Variants in CALCR observed in about 807,000 individuals in gnomAD.
The protein encoded by CALCR is calcitonin receptor.
Under a neutral mutation model 59.5 loss-of-function variants are expected in CALCR, and 47 were observed. The observed-to-expected ratio is 0.79, with a 90% CI of 0.63 to 1.01. The LOEUF is 1.01. CALCR is among the 50% of genes least tolerant of loss of function. The pLI, the probability that CALCR is intolerant of heterozygous loss-of-function variation, is 0.00. For synonymous variants in CALCR, 213 were observed against 211.3 expected, an observed-to-expected ratio of 1.01 and a Z score of -0.07; for missense variants, 566 against 597.1, an observed-to-expected ratio of 0.95 and a Z score of 0.54.
intron 4 of CALCR, among the ~76,000 whole-genome samples, chr7:93,478,453 G>C (rs528696182): frequency 4.6e-4 from 70 of 151,690 alleles, no homozygotes; most frequent in African/African-American, 1.6e-3. Flanking sequence ...TGTAATCCTA[G>C]CACTTTGGGA....
chr7:93,548,237 C>T (rs1323145503), intron 2 of CALCR, among the ~76,000 whole-genome samples: 1 of 152,184 alleles, frequency 6.6e-6, no homozygotes, highest in East Asian at 1.9e-4. Flanking sequence ...ACCTCTCATT[C>T]ATCTTGGATA....
chr7:93,481,013 GT>G (rs1156462835), intron 3 of CALCR, among the ~76,000 whole-genome samples: 1 of 151,768 alleles, frequency 6.6e-6, no homozygotes, highest in East Asian at 2.0e-4. Context: ...GTTAAAACTT[GT>G]TTTGTCACTT....
At chr7:93,453,122 C>T (rs548369542) in intron 8 of CALCR, among the ~76,000 whole-genome samples, 1 of 152,106 alleles carries the variant, frequency 6.6e-6, no homozygotes, top group East Asian at 1.9e-4. Context: ...TGCTGTATCA[C>T]ACAGAAATGA....
At chr7:93,525,143 A>G (rs1175793140) in intron 2 of CALCR, among the ~76,000 whole-genome samples, 1 of 144,062 alleles carries the variant, frequency 6.9e-6, no homozygotes, top group African/African-American at 2.4e-5. Context: ...GAAACAAAAA[A>G]TGATAATAGT....
intron 2 of CALCR, among the ~76,000 whole-genome samples, chr7:93,540,949 C>G (rs546878137): frequency 6.6e-6 from 1 of 151,714 alleles, no homozygotes; most frequent in African/African-American, 2.4e-5. Flanking sequence ...ATATTAATAG[C>G]AAAAAATTAA....
intron 2 of CALCR, among the ~76,000 whole-genome samples, chr7:93,495,180 A>T (rs571857536): frequency 2.0e-5 from 3 of 151,414 alleles, no homozygotes; most frequent in Non-Finnish European, 4.4e-5. Context: ...AGAACTTTCA[A>T]ATTGGAATGG....
chr7:93,474,858 G>A (rs1362104350), intron 5 of CALCR, among the ~76,000 whole-genome samples: 1 of 151,724 alleles, frequency 6.6e-6, no homozygotes. Context: ...TATAGATAAT[G>A]CTTTTATAGA....
At chr7:93,550,488 CAAAAAAAAAAA>C (rs11287815) in intron 2 of CALCR, among the ~76,000 whole-genome samples, 30 of 26,582 alleles carry the variant, frequency 1.1e-3, no homozygotes, top group African/African-American at 4.9e-3. Flanking sequence ...AACTCCGTCT[CAAAAAAAAAAA>C]AAAAAAAAAA....
chr7:93,492,661 T>C (rs75529884), intron 2 of CALCR, among the ~76,000 whole-genome samples: 4,115 of 151,446 alleles, frequency 0.027, 208 homozygotes, highest in African/African-American at 0.095. Context: ...GTATAAGAAG[T>C]TGAGCATCTG....
intron 3 of CALCR, among the ~76,000 whole-genome samples, chr7:93,480,109 A>G (rs1216061608): frequency 1.3e-5 from 2 of 151,908 alleles, no homozygotes; most frequent in Non-Finnish European, 2.9e-5. Flanking sequence ...CATGTTCACT[A>G]ATGAAAAATC....
At chr7:93,436,556 T>C (rs1799783084) in intron 11 of CALCR, among the ~76,000 whole-genome samples, 1 of 152,218 alleles carries the variant, frequency 6.6e-6, no homozygotes, top group African/African-American at 2.4e-5. Context: ...TAGTCTTTAT[T>C]TGGAACATTG....
chr7:93,428,566 C>T (rs1186072921), intron 13 of CALCR, among the ~76,000 whole-genome samples: 1 of 152,028 alleles, frequency 6.6e-6, no homozygotes, highest in Non-Finnish European at 1.5e-5. Context: ...TTTGGGAGGC[C>T]GAGGCGGGCA....
At chr7:93,472,560 T>G (rs1800576970) in intron 5 of CALCR, 73 bp from the exon 6 acceptor site, 1 of 863,700 alleles carries the variant, frequency 1.2e-6, no homozygotes, top group African/African-American at 1.7e-5. Flanking sequence ...AAATTAAAGC[T>G]TAAAAGCCAT....
At chr7:93,541,724 T>C (rs1789146175) in intron 2 of CALCR, among the ~76,000 whole-genome samples, 1 of 152,232 alleles carries the variant, frequency 6.6e-6, no homozygotes, top group South Asian at 2.1e-4. Flanking sequence ...AGTTCCATCC[T>C]ATCCATTTGT....
At chr7:93,478,318 A>G (rs1800714247) in intron 4 of CALCR, among the ~76,000 whole-genome samples, 5 of 151,900 alleles carry the variant, frequency 3.3e-5, no homozygotes, top group Admixed American at 3.3e-4. Context: ...ACTACAAACT[A>G]AAACTTGAAC....
intron 9 of CALCR, among the ~76,000 whole-genome samples, chr7:93,442,125 C>T (rs1021195925): frequency 3.9e-5 from 6 of 152,106 alleles, no homozygotes; most frequent in African/African-American, 1.4e-4. Flanking sequence ...CAAGGAAAAA[C>T]AAAGACAAAA....
chr7:93,549,689 T>C (rs1020223324), intron 2 of CALCR, among the ~76,000 whole-genome samples: 1 of 152,204 alleles, frequency 6.6e-6, no homozygotes, highest in African/African-American at 2.4e-5. Context: ...ACCTCCTCTA[T>C]TAGGGTTTAG....
intron 2 of CALCR, among the ~76,000 whole-genome samples, chr7:93,510,931 A>C (rs1184394440): frequency 1.3e-5 from 2 of 152,018 alleles, no homozygotes; most frequent in Non-Finnish European, 2.9e-5. Flanking sequence ...TATTTGAAGA[A>C]TGGGTTGGGG....
intron 2 of CALCR, among the ~76,000 whole-genome samples, chr7:93,538,006 T>G: frequency 6.6e-6 from 1 of 151,966 alleles, no homozygotes; most frequent in East Asian, 1.9e-4. Flanking sequence ...AAATAATGTG[T>G]TCAACATGTG....
Sources: allele counts gnomAD v4.1 joint callset (sites outside exome capture counted in the v4.1 genomes callset), GRCh38; gene constraint gnomAD v4.1.1; transcripts MANE v1.5; gene names NCBI Gene and HGNC (gene_info 2026-07-23, HGNC 2026-07-21).